UNC5D: variants seen among roughly 807,000 people sequenced by gnomAD.
UNC5D encodes unc-5 netrin receptor D.
UNC5D carries 39 observed loss-of-function variants against 105.4 expected under a neutral mutation model. The ratio of observed to expected loss-of-function variants is 0.37; its 90% CI spans 0.29 to 0.48. UNC5D has a LOEUF of 0.48. Among genes scored for constraint, UNC5D ranks in the 20% least tolerant of loss-of-function variants. The pLI is 0.98. For synonymous variants in UNC5D, 452 were observed against 450.4 expected, an observed-to-expected ratio of 1.00 and a Z score of -0.04; for missense variants, 991 against 1,202.4, an observed-to-expected ratio of 0.82 and a Z score of 2.60.
At chr8:35,298,227 T>G (rs1434357647) in intron 1 of UNC5D, among the ~76,000 whole-genome samples, 1 of 152,190 alleles carries the variant, frequency 6.6e-6, no homozygotes. Context: ...AGTCCCTGGC[T>G]CTTTCCAAGT....
At chr8:35,326,481 A>G (rs567795928) in intron 1 of UNC5D, among the ~76,000 whole-genome samples, 44 of 152,348 alleles carry the variant, frequency 2.9e-4, no homozygotes, top group Middle Eastern at 3.4e-3. Context: ...TAGGCTGGGC[A>G]CAGTGGCTCA....
At chr8:35,492,292 TC>T (rs2130120590) in intron 1 of UNC5D, among the ~76,000 whole-genome samples, 1 of 152,314 alleles carries the variant, frequency 6.6e-6, no homozygotes, top group East Asian at 1.9e-4. Flanking sequence ...TCATCTGTTT[TC>T]TTTTTATTTT....
chr8:35,341,259 T>C (rs1166340763), intron 1 of UNC5D, among the ~76,000 whole-genome samples: 1 of 152,132 alleles, frequency 6.6e-6, no homozygotes, highest in Admixed American at 6.6e-5. Context: ...TTTAGGACAC[T>C]TGTCACTCAT....
intron 1 of UNC5D, among the ~76,000 whole-genome samples, chr8:35,334,080 G>A (rs1810837465): frequency 6.6e-6 from 1 of 152,192 alleles, no homozygotes; most frequent in East Asian, 1.9e-4. Context: ...AACTTTATAT[G>A]CAGTGTATGC....
At chr8:35,356,602 T>A (rs2128914272) in intron 1 of UNC5D, among the ~76,000 whole-genome samples, 1 of 151,422 alleles carries the variant, frequency 6.6e-6, no homozygotes, top group Admixed American at 6.6e-5. Flanking sequence ...TTATCGTAGA[T>A]CTTACTGTAG....
At chr8:35,349,272 C>G (rs1359619029) in intron 1 of UNC5D, among the ~76,000 whole-genome samples, 1 of 151,892 alleles carries the variant, frequency 6.6e-6, no homozygotes, top group Non-Finnish European at 1.5e-5. Flanking sequence ...GAATCTGAAA[C>G]CATATTAAAG....
chr8:35,604,173 G>A (rs2130942148), intron 4 of UNC5D, among the ~76,000 whole-genome samples: 1 of 152,258 alleles, frequency 6.6e-6, no homozygotes, highest in East Asian at 1.9e-4. Flanking sequence ...TTTTTGCAGT[G>A]GCTGGTACCG....
chr8:35,575,188 C>T (rs556460423), intron 3 of UNC5D, among the ~76,000 whole-genome samples: 2 of 152,076 alleles, frequency 1.3e-5, no homozygotes, highest in East Asian at 3.9e-4. Flanking sequence ...ATTTATGTCC[C>T]TAGTTAGATC....
chr8:35,715,091 C>T (rs758656237), intron 8 of UNC5D, among the ~76,000 whole-genome samples: 7 of 152,270 alleles, frequency 4.6e-5, no homozygotes, highest in East Asian at 1.9e-4. Flanking sequence ...ATGGAAGTTG[C>T]GGTGTGCCAA....
intron 1 of UNC5D, among the ~76,000 whole-genome samples, chr8:35,511,436 C>T (rs1293077226): frequency 6.8e-6 from 1 of 146,276 alleles, no homozygotes; most frequent in Non-Finnish European, 1.5e-5. Flanking sequence ...GAATTCAAGG[C>T]CAGCCTGACC....
At chr8:35,441,808 C>T (rs749657679) in intron 1 of UNC5D, among the ~76,000 whole-genome samples, 3 of 151,278 alleles carry the variant, frequency 2.0e-5, no homozygotes, top group East Asian at 1.9e-4. Flanking sequence ...GGAGAATCAG[C>T]GCCATATGCA....
chr8:35,358,799 A>G (rs1484658052), intron 1 of UNC5D, among the ~76,000 whole-genome samples: 1 of 152,156 alleles, frequency 6.6e-6, no homozygotes, highest in African/African-American at 2.4e-5. Flanking sequence ...ATGTCCATTG[A>G]CTGAAATTTA....
chr8:35,235,613 C>T lies in UNC5D; in HGVS notation c.-172C>T. 1 of 444,394 alleles carries T rather than the reference C, an allele frequency of 2.3e-6. No individual in the cohort carries two copies. The highest frequency in any genetic ancestry group is 3.7e-6 in the Non-Finnish European group (1 of 272,548). 27.5% of individuals were successfully genotyped at this position (444,394 alleles called of 1,614,324 possible). A position where few individuals can be genotyped will look rare whatever the true frequency, so the allele number is the denominator to read the frequency against. ...GGGACGCGCCCTTTCTCGGGGTGCC[C>T]ATTCAGCGGCGGCTCGGAGCTCCCT... On this transcript the variant is annotated 5_prime_UTR_variant, in exon 1 of 17. Coordinates refer to ENST00000404895, the MANE Select transcript of UNC5D (RefSeq NM_080872.4).
At chr8:35,490,084 A>C (rs1811105359) in intron 1 of UNC5D, among the ~76,000 whole-genome samples, 1 of 152,246 alleles carries the variant, frequency 6.6e-6, no homozygotes, top group East Asian at 1.9e-4. Flanking sequence ...GTTTGTTGTA[A>C]TATTTTGTGA....
chr8:35,260,473 A>ATTG (rs1170845152), intron 1 of UNC5D, among the ~76,000 whole-genome samples: 1 of 152,066 alleles, frequency 6.6e-6, no homozygotes, highest in African/African-American at 2.4e-5. Flanking sequence ...GCTTATTATT[A>ATTG]TTGTTGTTGT....
At chr8:35,715,008 G>C (rs916609518) in intron 8 of UNC5D, among the ~76,000 whole-genome samples, 1 of 152,140 alleles carries the variant, frequency 6.6e-6, no homozygotes, top group Non-Finnish European at 1.5e-5. Flanking sequence ...AAAATTAGCC[G>C]AGTGTGGTGG....
chr8:35,402,010 C>T (rs1238496132), intron 1 of UNC5D, among the ~76,000 whole-genome samples: 1 of 152,126 alleles, frequency 6.6e-6, no homozygotes, highest in Non-Finnish European at 1.5e-5. Context: ...TACATACCTG[C>T]GAACACTCTG....
intron 1 of UNC5D, among the ~76,000 whole-genome samples, chr8:35,432,862 T>C (rs1476658842): frequency 6.6e-6 from 1 of 152,208 alleles, no homozygotes; most frequent in Admixed American, 6.5e-5. Context: ...CTTTGTCTGG[T>C]GCCAAGAACA....
intron 7 of UNC5D, among the ~76,000 whole-genome samples, chr8:35,702,714 C>A (rs1198468804): frequency 6.6e-6 from 1 of 152,150 alleles, no homozygotes; most frequent in Non-Finnish European, 1.5e-5. Context: ...TCAGATATTT[C>A]CTTTTGGGAA....
Sources: gnomAD v4.1 joint callset for allele counts (sites outside exome capture counted in the v4.1 genomes callset) on GRCh38, gnomAD v4.1.1 for gene constraint, MANE v1.5 for transcripts, NCBI Gene and HGNC (gene_info 2026-07-23, HGNC 2026-07-21) for gene names.